Variants in COL22A1 observed in about 807,000 individuals in gnomAD.
COL22A1 encodes the protein collagen alpha-1(XXII) chain.
COL22A1 carries 221 observed loss-of-function variants against 248.9 expected under a neutral mutation model. That is an observed-to-expected ratio of 0.89 (90% confidence interval 0.80 to 0.99). The LOEUF is 0.99. Among genes scored for constraint, COL22A1 ranks in the 50% least tolerant of loss-of-function variants. The pLI is 0.00. For synonymous variants in COL22A1, 891 were observed against 793.4 expected (o/e 1.12, Z -2.07); for missense variants, 2,240 against 2,179.0 (o/e 1.03, Z -0.56).
rs1285190668 is a variant in COL22A1 at position 138,629,438 on chromosome 8, G to A, written c.3663+1257C>T. Among the ~76,000 whole-genome samples, 4 of 152,324 alleles carry A rather than the reference G, an allele frequency of 2.6e-5. No homozygotes were observed. In the East Asian group the frequency reaches 7.7e-4, roughly 29 times the overall value. On this transcript the variant is annotated intron_variant, in intron 50 of 64. Transcript: ENST00000303045. ...CAAAGTACTGGGATTACAGGCATGA[G>A]CCACTGTGCCCGGCCCAGTATATTT...
chr8:138,902,194 TG>T (rs1461998153), intron 1 of COL22A1, among the ~76,000 whole-genome samples: 1 of 152,130 alleles, frequency 6.6e-6, no homozygotes, highest in Non-Finnish European at 1.5e-5. Flanking sequence ...GAAGCTTTCG[TG>T]GCAAAGGTGG....
intron 15 of COL22A1, 198 bp downstream of exon 15, chr8:138,778,155 C>T: frequency 3.0e-6 from 2 of 676,836 alleles, no homozygotes; most frequent in South Asian, 3.4e-5. Flanking sequence ...TGCATTTAAA[C>T]TTGTTCTCTG....
At chr8:138,661,468 T>C (rs976305722) in intron 43 of COL22A1, among the ~76,000 whole-genome samples, 6 of 152,214 alleles carry the variant, frequency 3.9e-5, no homozygotes, top group Non-Finnish European at 7.3e-5. Context: ...GTACCTTCTA[T>C]GTGCCTGGCA....
intron 15 of COL22A1, 91 bp from the exon 16 acceptor site, chr8:138,776,101 G>T: frequency 7.7e-7 from 1 of 1,291,292 alleles, no homozygotes; most frequent in Non-Finnish European, 1.1e-6. Flanking sequence ...CTGCCTGGCA[G>T]CTTCCAGCCC....
At chr8:138,782,646 G>A (rs1338049996) in intron 12 of COL22A1, among the ~76,000 whole-genome samples, 1 of 152,200 alleles carries the variant, frequency 6.6e-6, no homozygotes, top group Non-Finnish European at 1.5e-5. Context: ...AACACACCCT[G>A]GAAGTCTCAG....
At chr8:138,743,454 T>A (rs1333598330) in intron 22 of COL22A1, among the ~76,000 whole-genome samples, 3 of 151,738 alleles carry the variant, frequency 2.0e-5, no homozygotes, top group African/African-American at 7.3e-5. Flanking sequence ...GTGGAGTTGA[T>A]GGTTTTGGTG....
chr8:138,654,362 A>T (rs1240665326), intron 45 of COL22A1, among the ~76,000 whole-genome samples: 2 of 152,308 alleles, frequency 1.3e-5, no homozygotes, highest in East Asian at 3.9e-4. Flanking sequence ...ACTGGTAAAG[A>T]TTGTTCTGCT....
At chr8:138,736,540 C>A (rs1831123450) in intron 23 of COL22A1, among the ~76,000 whole-genome samples, 1 of 152,062 alleles carries the variant, frequency 6.6e-6, no homozygotes, top group African/African-American at 2.4e-5. Flanking sequence ...GAGCCTCACC[C>A]CTCATCTATG....
Position 138,720,666 on chromosome 8 carries a change from G to C in COL22A1, c.2355+73C>G, listed in dbSNP as rs147840668. The C allele has an allele frequency of 2.9e-5, 35 of 1,221,114 alleles. No homozygotes were observed. In the African/African-American group the frequency reaches 5.1e-4, roughly 18 times the overall value. 75.6% of individuals were successfully genotyped at this position (1,221,114 alleles called of 1,614,324 possible). A position where few individuals can be genotyped will look rare whatever the true frequency, so the allele number is the denominator to read the frequency against. ...ATAGACGCTATGCTTATGGTAAGTCGAGATTCACACACCACCCCAAATAGA... is the reference window on the plus strand; with the variant it reads ...ATAGACGCTATGCTTATGGTAAGTCCAGATTCACACACCACCCCAAATAGA... On this transcript the variant is annotated intron_variant, in intron 27 of 64. Transcript: ENST00000303045.
intron 3 of COL22A1, among the ~76,000 whole-genome samples, chr8:138,871,670 G>A (rs905836024): frequency 1.3e-5 from 2 of 152,176 alleles, no homozygotes; most frequent in Non-Finnish European, 2.9e-5. Context: ...AAAGATAATA[G>A]AAGCTCAATG....
In COL22A1 at chr8:138,778,357, G is replaced by A. The variant is rs780293240; in HGVS notation, c.1754C>T (p.Ala585Val). 1.2e-6 allele frequency: 2 copies of A among 1,613,880 alleles called. No individual in the cohort carries two copies. The highest frequency in any genetic ancestry group is 1.7e-4 in the Middle Eastern group (1 of 6,058). Reference protein sequence around the residue: ...GLPGPPGRVGAPGLQGERGEK... With the variant: ...GLPGPPGRVGVPGLQGERGEK... ...CAGACAAGTGCCTTCACTTACAGGA[G>A]CTCCGACACGTCCAGGAGGTCCGGG... The change falls in exon 15 of 65, where the codon GCT becomes GTT. Residue 585 changes from alanine (A) to valine (V), a missense_variant. Coordinates refer to ENST00000303045, the MANE Select transcript of COL22A1 (RefSeq NM_152888.3).
chr8:138,719,250 T>C (rs1292799290), intron 27 of COL22A1, among the ~76,000 whole-genome samples: 1 of 151,406 alleles, frequency 6.6e-6, no homozygotes, highest in Admixed American at 6.6e-5. Context: ...AGGACAGGCA[T>C]GAAAAAAAAA....
chr8:138,893,783 C>T (rs1236482516), intron 1 of COL22A1, among the ~76,000 whole-genome samples: 1 of 152,196 alleles, frequency 6.6e-6, no homozygotes, highest in African/African-American at 2.4e-5. Context: ...TTTTTCATTA[C>T]ACTTTGTCCA....
intron 4 of COL22A1, among the ~76,000 whole-genome samples, 194 bp from the exon 5 acceptor site, chr8:138,833,344 C>T (rs552661503): frequency 1.3e-5 from 2 of 152,348 alleles, no homozygotes; most frequent in African/African-American, 4.8e-5. Context: ...GCCTTGGCTT[C>T]AACTCCAGGA....
At chr8:138,835,781 C>T (rs560580777) in intron 4 of COL22A1, among the ~76,000 whole-genome samples, 5 of 152,168 alleles carry the variant, frequency 3.3e-5, no homozygotes, top group Admixed American at 2.6e-4. Context: ...GAGTACGAGC[C>T]TCAACCTCTC....
At chr8:138,757,391 GACT>G (rs1833104265) in intron 18 of COL22A1, among the ~76,000 whole-genome samples, 1 of 152,096 alleles carries the variant, frequency 6.6e-6, no homozygotes, top group Non-Finnish European at 1.5e-5. Flanking sequence ...TCTTTTTTAT[GACT>G]ACTTTGTGTC....
intron 31 of COL22A1, among the ~76,000 whole-genome samples, chr8:138,701,452 T>C (rs1827962325): frequency 6.6e-6 from 1 of 152,208 alleles, no homozygotes; most frequent in African/African-American, 2.4e-5. Context: ...TAGCTTCCTA[T>C]ATCTTGCCCT....
intron 22 of COL22A1, among the ~76,000 whole-genome samples, chr8:138,750,090 T>C (rs1285012072): frequency 6.6e-6 from 1 of 152,212 alleles, no homozygotes; most frequent in Non-Finnish European, 1.5e-5. Context: ...ACAAGCTCCC[T>C]CTTTGCCTGC....
intron 3 of COL22A1, among the ~76,000 whole-genome samples, chr8:138,844,575 T>G (rs1189224447): frequency 6.6e-6 from 1 of 152,216 alleles, no homozygotes; most frequent in Non-Finnish European, 1.5e-5. Context: ...CCTGGAAAGA[T>G]TCTTTTTGAA....
Sources: gnomAD v4.1 joint callset for allele counts (sites outside exome capture counted in the v4.1 genomes callset) on GRCh38, gnomAD v4.1.1 for gene constraint, MANE v1.5 for transcripts, NCBI Gene and HGNC (gene_info 2026-07-23, HGNC 2026-07-21) for gene names.